Variants in TPM1 observed in about 807,000 individuals in gnomAD.
TPM1 encodes the protein tropomyosin 1.
Under a neutral mutation model 42.9 loss-of-function variants are expected in TPM1, and 24 were observed. That is an observed-to-expected ratio of 0.56 (90% CI 0.41 to 0.79). The LOEUF (loss-of-function observed/expected upper bound fraction) is 0.79, where lower values mean the gene tolerates loss of function less well. TPM1 is among the 30% of genes least tolerant of loss of function. The pLI, the probability that TPM1 is intolerant of heterozygous loss-of-function variation, is 0.00. For missense variants in TPM1, 158 were observed against 351.8 expected (o/e 0.45, Z 4.41); for synonymous variants, 136 against 130.1 (o/e 1.05, Z -0.31).
At chr15:63,048,638 G>T in intron 2 of TPM1, 1 of 1,536,850 alleles carries the variant, frequency 6.5e-7, no homozygotes, top group Non-Finnish European at 8.8e-7. Flanking sequence ...AGGAGCAGGC[G>T]GACGCCGCTG....
chr15:63,042,904 G>T lies in TPM1; in HGVS notation c.75G>T (p.Ala25=), dbSNP rs1214191576. The T allele has an allele frequency of 1.9e-6, 3 of 1,611,188 alleles. No homozygotes were observed. The highest frequency in any genetic ancestry group is 1.7e-6 in the Non-Finnish European group (2 of 1,178,694). Reference sequence around the variant, plus strand: ...ACGCCTTGGATCGAGCTGAGCAGGCGGAGGCCGACAAGAAGGCGGCGGAAG... The same window carrying T: ...ACGCCTTGGATCGAGCTGAGCAGGCTGAGGCCGACAAGAAGGCGGCGGAAG... The part of the protein sequence containing the change: ...KENALDRAEQ[A]EADKKAAEDR... Residue 25 remains alanine (A), a synonymous_variant, in exon 1 of 10, where the codon GCG becomes GCT. Coordinates refer to ENST00000403994, the MANE Select transcript of TPM1 (RefSeq NM_001018005.2).
exon 9 of TPM1, chr15:63,071,767 G>A (rs1158418558): frequency 6.3e-6 from 1 of 158,138 alleles, no homozygotes; most frequent in Non-Finnish European, 1.4e-5. Context: ...ATAACAATCA[G>A]TGTGGATTTC....
downstream of TPM1, chr15:63,069,743 C>G (rs2141032004): frequency 8.3e-7 from 1 of 1,209,686 alleles, no homozygotes; most frequent in Middle Eastern, 2.4e-4. Flanking sequence ...GTAAACTGCT[C>G]AGCAAGTGAC....
intron 2 of TPM1, chr15:63,048,530 C>G: frequency 6.6e-7 from 1 of 1,506,778 alleles, no homozygotes; most frequent in Non-Finnish European, 8.8e-7. Flanking sequence ...GGGCAGCAGC[C>G]GGCCTCTCCC....
intron 5 of TPM1, 67 bp from the exon 6 acceptor site, chr15:63,061,646 C>G: frequency 6.8e-7 from 1 of 1,468,122 alleles, no homozygotes; most frequent in Non-Finnish European, 9.5e-7. Flanking sequence ...TCCCATCCCT[C>G]TCCTTTTTCT....
At position 63,044,200 on chromosome 15, in the gene TPM1, A is replaced by T. The variant is rs761242873; in HGVS notation, c.240+48A>T. 1.7e-5 allele frequency: 28 copies of T among 1,613,618 alleles called. No individual in the cohort carries two copies. In the East Asian group the frequency reaches 5.3e-4, roughly 31 times the overall value. On this transcript the variant is annotated intron_variant, in intron 2 of 9. Transcript: ENST00000403994. Reference sequence around the variant, plus strand: ...TCCCTCACCTCTTGCCTGCGTGGCCACTCCGGGGTCACCACAGGGCTGGAG... The same window carrying T: ...TCCCTCACCTCTTGCCTGCGTGGCCTCTCCGGGGTCACCACAGGGCTGGAG...
chr15:63,063,454 C>G, intron 8 of TPM1: 1 of 837,156 alleles, frequency 1.2e-6, no homozygotes, highest in Non-Finnish European at 1.4e-6. Context: ...GCGCCCATTG[C>G]TTTTCAAGCC....
In TPM1 at chr15:63,064,186, C is replaced by A. The variant is rs191558659; in HGVS notation, c.851+44C>A. On this transcript the variant is annotated intron_variant, in intron 9 of 9. Transcript: ENST00000403994. ...TGCCTGCTTACACCCTGCCCTCATG[C>A]TAATGTAATAAACTCACCACCATGC... 549 of 1,599,264 alleles carry A rather than the reference C, an allele frequency of 3.4e-4. No individual in the cohort carries two copies. In the African/African-American group the frequency reaches 6.5e-3, roughly 19 times the overall value.
At chr15:63,044,267 C>G in intron 2 of TPM1, 115 bp downstream of exon 2, 1 of 1,494,044 alleles carries the variant, frequency 6.7e-7, no homozygotes, top group East Asian at 2.3e-5. Context: ...GACACCTGCA[C>G]ACAGCCCTGC....
intron 5 of TPM1, chr15:63,061,417 G>T (rs956470905): frequency 7.1e-6 from 6 of 840,422 alleles, no homozygotes; most frequent in Non-Finnish European, 1.0e-5. Flanking sequence ...GCTTTCCCTT[G>T]GTCCTTTATG....
At position 63,044,095 on chromosome 15, in the gene TPM1, T is replaced by C. The variant is rs758150342; in HGVS notation, c.183T>C (p.Ser61=). 2.5e-6 allele frequency: 4 copies of C among 1,614,148 alleles called. No homozygotes were observed. The South Asian group carries it at 4.4e-5, about 18-fold the overall frequency. ...CCGAAGATGAACTGGACAAATACTC[T>C]GAGGCTCTCAAAGATGCCCAGGAGA... ...KGTEDELDKY[S]EALKDAQEKL... The change falls in exon 2 of 10, where the codon TCT becomes TCC. Residue 61 remains serine (S), a synonymous_variant. Transcript: ENST00000403994.
intron 3 of TPM1, among the ~76,000 whole-genome samples, chr15:63,057,881 G>A (rs1055173443): frequency 4.6e-5 from 7 of 152,178 alleles, no homozygotes; most frequent in Non-Finnish European, 8.8e-5. Flanking sequence ...AGGTGAGAGA[G>A]CGTTCTGCCG....
intron 3 of TPM1, 99 bp from the exon 4 acceptor site, chr15:63,059,464 C>T: frequency 3.3e-6 from 3 of 908,084 alleles, no homozygotes; most frequent in Non-Finnish European, 3.6e-6. Flanking sequence ...CTATTTTGGT[C>T]TACCACTTAC....
chr15:63,064,951 A>G lies in TPM1; in HGVS notation c.851+809A>G, dbSNP rs2036113920. 4 of 970,262 alleles carry G rather than the reference A, an allele frequency of 4.1e-6. No individual in the cohort carries two copies. The South Asian group carries it at 1.9e-4, about 46-fold the overall frequency. The allele number at this position is 970,262 out of a possible 1,614,324, so 60.1% of individuals were successfully genotyped here. On this transcript the variant is annotated intron_variant, in intron 9 of 9. Transcript: ENST00000403994. ...CACCGCACTCCAGCCTGGACGACAG[A>G]GCGAGACTCTGTCTCAAGAAAAAAA...
intron 8 of TPM1, chr15:63,063,049 T>C: frequency 1.0e-6 from 1 of 984,058 alleles, no homozygotes; most frequent in Non-Finnish European, 1.2e-6. Flanking sequence ...CTTCCAAGTA[T>C]GAATTCAAAG....
chr15:63,069,576 G>T (rs922562201), downstream of TPM1, among the ~76,000 whole-genome samples: 1 of 152,168 alleles, frequency 6.6e-6, no homozygotes, highest in African/African-American at 2.4e-5. Flanking sequence ...GTTTAGTGAG[G>T]TATAAGAGGA....
chr15:63,042,918 A>G lies in TPM1; in HGVS notation c.89A>G (p.Lys30Arg), dbSNP rs1447267149. 1 of 1,606,044 alleles carries G rather than the reference A, an allele frequency of 6.2e-7. No homozygotes were observed. The highest frequency in any genetic ancestry group is 2.2e-5 in the East Asian group (1 of 44,580). Residue 30 changes from lysine (K) to arginine (R), a missense_variant, in exon 1 of 10, where the codon AAG (lysine) becomes AGG (arginine). By Grantham distance (26) the Lys-to-Arg change is conservative (BLOSUM62 2). This residue lies in a region of TPM1 where 24 missense variants were observed against 26.8 expected (regional missense o/e 0.89). Transcript: ENST00000403994. Reference protein sequence around the residue: ...DRAEQAEADKKAAEDRSKQLE... With the variant: ...DRAEQAEADKRAAEDRSKQLE... ...GCTGAGCAGGCGGAGGCCGACAAGA[A>G]GGCGGCGGAAGACAGGAGCAAGCAG...
intron 2 of TPM1, chr15:63,047,579 G>T (rs146500637): frequency 5.8e-4 from 88 of 152,386 alleles, no homozygotes; most frequent in African/African-American, 2.0e-3. Flanking sequence ...TCAGAGGCTG[G>T]TCTGACACCA....
chr15:63,059,503 G>A, intron 3 of TPM1, 60 bp from the exon 4 acceptor site: 5 of 1,333,160 alleles, frequency 3.8e-6, no homozygotes, highest in Non-Finnish European at 5.3e-6. Context: ...CAGCAGTGCA[G>A]TGTGCATTTG....
Sources: gnomAD v4.1 joint callset for allele counts (sites outside exome capture counted in the v4.1 genomes callset) on GRCh38, gnomAD v4.1.1 for gene constraint, gnomAD v4.1.1 regional missense constraint, MANE v1.5 for transcripts, NCBI Gene and HGNC (gene_info 2026-07-23, HGNC 2026-07-21) for gene names.